HDGFL3: variants seen among roughly 807,000 people sequenced by gnomAD.
The protein encoded by HDGFL3 is HDGF like 3, also known as hepatoma-derived growth factor-related protein 3.
A neutral mutation model predicts 27.6 loss-of-function variants in HDGFL3; 6 were observed. That is an observed-to-expected ratio of 0.22 (90% CI 0.12 to 0.43). The LOEUF is 0.43. HDGFL3 is among the 20% of genes least tolerant of loss of function. The probability of loss-of-function intolerance (pLI) is 1.00; values close to 1 mark genes in which losing one functional copy is unlikely to be tolerated. For missense variants in HDGFL3, 207 were observed against 250.1 expected (o/e 0.83, Z 1.16); for synonymous variants, 88 against 88.9 (o/e 0.99, Z 0.05).
At chr15:83,151,143 A>C in intron 5 of HDGFL3, 72 bp downstream of exon 5, 1 of 1,374,482 alleles carries the variant, frequency 7.3e-7, no homozygotes, top group Non-Finnish European at 1.0e-6. Flanking sequence ...ACTAATGCTG[A>C]CATATGGATG....
chr15:83,187,887 C>CAAAAA (rs748482520), intron 1 of HDGFL3, among the ~76,000 whole-genome samples: 1 of 75,526 alleles, frequency 1.3e-5, no homozygotes, highest in Admixed American at 1.4e-4. Flanking sequence ...AACTCTGTCT[C>CAAAAA]AAAAAAAAAA....
chr15:83,162,030 C>CT (rs2037107824), intron 2 of HDGFL3, among the ~76,000 whole-genome samples: 1 of 152,082 alleles, frequency 6.6e-6, no homozygotes, highest in South Asian at 2.1e-4. Context: ...CTGGTCGTGC[C>CT]TAGGGTACTC....
chr15:83,142,690 T>C (rs2036801383), intron 5 of HDGFL3, among the ~76,000 whole-genome samples: 1 of 152,200 alleles, frequency 6.6e-6, no homozygotes, highest in Admixed American at 6.5e-5. Flanking sequence ...AAGATACTCA[T>C]ATCACCATTT....
At chr15:83,146,459 T>G (rs1157362871) in intron 5 of HDGFL3, among the ~76,000 whole-genome samples, 2 of 152,170 alleles carry the variant, frequency 1.3e-5, no homozygotes, top group African/African-American at 4.8e-5. Context: ...TTCAAATACC[T>G]CACTCTTCTA....
At chr15:83,169,232 C>T (rs1430959136) in intron 1 of HDGFL3, 1 of 447,954 alleles carries the variant, frequency 2.2e-6, no homozygotes, top group Admixed American at 2.4e-5. Flanking sequence ...CTTCACCACT[C>T]CTATTCAACA....
chr15:83,126,143 T>C (rs142980748), downstream of HDGFL3, among the ~76,000 whole-genome samples: 183 of 152,248 alleles, frequency 1.2e-3, 1 homozygote, highest in African/African-American at 9.9e-4. Context: ...ACCAACTCTG[T>C]CATTGGCCTG....
At chr15:83,153,140 T>C (rs533223637) in intron 4 of HDGFL3, among the ~76,000 whole-genome samples, 8 of 151,910 alleles carry the variant, frequency 5.3e-5, no homozygotes, top group Non-Finnish European at 8.8e-5. Context: ...GCTGGGACTA[T>C]AGGTACCTGC....
chr15:83,203,707 T>A (rs2151424019), intron 1 of HDGFL3, among the ~76,000 whole-genome samples: 1 of 151,948 alleles, frequency 6.6e-6, no homozygotes, highest in African/African-American at 2.4e-5. Flanking sequence ...AACCTATAAG[T>A]AATAATAAGT....
Position 83,157,518 on chromosome 15 carries a change from T to C in HDGFL3, c.356A>G (p.Asp119Gly). ...ETEGEGGNTA[D>G]ASSEEEGDRV... ...ATCACCTTCTTCCTCACTGCTTGCATCTGCAGTATTTCCACCTTCTCCCTC... is the reference window on the plus strand; with the variant it reads ...ATCACCTTCTTCCTCACTGCTTGCACCTGCAGTATTTCCACCTTCTCCCTC... The change falls in exon 4 of 6, where the codon GAT becomes GGT. Residue 119 changes from aspartate (D) to glycine (G), a missense_variant. Asp to Gly is a moderately conservative substitution (Grantham distance 94). Transcript: ENST00000299633. 1 of 1,613,666 alleles carries C rather than the reference T, an allele frequency of 6.2e-7. No homozygotes were observed. The highest frequency in any genetic ancestry group is 1.7e-5 in the Admixed American group (1 of 60,024).
chr15:83,152,305 C>T (rs1348138920), intron 4 of HDGFL3, among the ~76,000 whole-genome samples: 1 of 152,220 alleles, frequency 6.6e-6, no homozygotes, highest in Admixed American at 6.5e-5. Flanking sequence ...CCTGTAATCC[C>T]AGCACTTTGG....
chr15:83,198,540 T>C (rs985973935), intron 1 of HDGFL3, among the ~76,000 whole-genome samples: 1 of 152,224 alleles, frequency 6.6e-6, no homozygotes, highest in Admixed American at 6.5e-5. Flanking sequence ...TGGGTTGCTG[T>C]AACAGAATAA....
chr15:83,160,321 G>A (rs1052324214), intron 2 of HDGFL3, among the ~76,000 whole-genome samples: 1 of 152,042 alleles, frequency 6.6e-6, no homozygotes, highest in Admixed American at 6.5e-5. Flanking sequence ...TGAGGACCTG[G>A]GATTATAGGC....
chr15:83,137,991 CAG>C lies in HDGFL3; in HGVS notation c.*1277_*1278del, dbSNP rs1383230972. 6.6e-6 allele frequency: 1 copy of C among 150,946 alleles called. No individual in the cohort carries two copies. Among genetic ancestry groups the C allele is most frequent in the African/African-American group, 2.4e-5 (1 of 41,046 alleles). 9.4% of individuals were successfully genotyped at this position (150,946 alleles called of 1,614,324 possible). ...CAGTGTTTTCAAATAATCTAAAACC[CAG>C]AGAGTGTTTAAAAAAAAAAAAAGAA... is the stretch of plus-strand genomic sequence containing the variant. On this transcript the variant is annotated 3_prime_UTR_variant, in exon 6 of 6. Transcript: ENST00000299633.
At chr15:83,169,998 G>T (rs1032646298) in intron 1 of HDGFL3, among the ~76,000 whole-genome samples, 1 of 151,998 alleles carries the variant, frequency 6.6e-6, no homozygotes, top group Non-Finnish European at 1.5e-5. Flanking sequence ...AAAACACCTA[G>T]GAATACATCT....
At chr15:83,201,422 C>T (rs1241397187) in intron 1 of HDGFL3, among the ~76,000 whole-genome samples, 1 of 152,084 alleles carries the variant, frequency 6.6e-6, no homozygotes, top group African/African-American at 2.4e-5. Context: ...GATTAGAACA[C>T]CTTTTTGTAG....
chr15:83,144,474 T>A (rs1000697971), intron 5 of HDGFL3: 42 of 455,990 alleles, frequency 9.2e-5, no homozygotes, highest in African/African-American at 6.2e-4. Flanking sequence ...TGACTTCTGT[T>A]TGCCAGCACT....
rs538837200 is a variant in HDGFL3, at chr15:83,155,973, C to T, written c.459+1442G>A. On this transcript the variant is annotated intron_variant, in intron 4 of 5. Transcript: ENST00000299633. ...GAATTACCATATGAAAAAACCTAGA[C>T]TTTCAATTTGTAAATCTAGGATCAT... 4.6e-5 allele frequency among the ~76,000 whole-genome samples: 7 copies of T among 152,264 alleles called. No individual in the cohort carries two copies. The South Asian group carries it at 1.5e-3, about 32-fold the overall frequency.
At chr15:83,153,987 A>G (rs1888769953) in intron 4 of HDGFL3, among the ~76,000 whole-genome samples, 1 of 152,016 alleles carries the variant, frequency 6.6e-6, no homozygotes, top group Admixed American at 6.6e-5. Flanking sequence ...CTAATTTTCC[A>G]TGCAAAGGAA....
intron 1 of HDGFL3, among the ~76,000 whole-genome samples, chr15:83,170,176 T>C (rs925619109): frequency 6.6e-6 from 1 of 152,066 alleles, no homozygotes; most frequent in Non-Finnish European, 1.5e-5. Context: ...GCTGTTCCTA[T>C]CAAACTACCA....
Sources: allele counts gnomAD v4.1 joint callset (sites outside exome capture counted in the v4.1 genomes callset), GRCh38; gene constraint gnomAD v4.1.1; transcripts MANE v1.5; gene names NCBI Gene and HGNC (gene_info 2026-07-23, HGNC 2026-07-21).